The following FAM13C variants were observed in gnomAD, a reference collection of about 807,000 sequenced individuals.
The protein encoded by FAM13C is family with sequence similarity 13 member C.
FAM13C carries 37 observed loss-of-function variants against 73.2 expected under a neutral mutation model. That is an observed-to-expected ratio of 0.51 (90% CI 0.39 to 0.67). The LOEUF is 0.67. Among genes scored for constraint, FAM13C ranks in the 30% least tolerant of loss-of-function variants. FAM13C has a pLI of 0.00. For missense variants in FAM13C, 589 were observed against 715.6 expected, an observed-to-expected ratio of 0.82 and a Z score of 2.02; for synonymous variants, 246 against 260.9, an observed-to-expected ratio of 0.94 and a Z score of 0.55.
rs1017016509 is a variant in FAM13C at position 59,247,430 on chromosome 10, T to C, written c.*184A>G. The C allele has an allele frequency of 3.0e-6, 2 of 660,740 alleles. No homozygotes were observed. Among genetic ancestry groups the C allele is most frequent in the Non-Finnish European group, 5.0e-6 (2 of 398,714 alleles). 40.9% of individuals were successfully genotyped at this position (660,740 alleles called of 1,614,324 possible). On this transcript the variant is annotated 3_prime_UTR_variant, in exon 14 of 14. Transcript: ENST00000618804. ...ATTATATGGCTACCTGTTGTATTCT[T>C]CCCCCCGTTTAAATCCCTTCTCCTT...
In FAM13C at chr10:59,321,320, G is replaced by C. The variant is rs141522955; in HGVS notation, c.443+2668C>G. 2.8e-3 allele frequency among the ~76,000 whole-genome samples: 423 copies of C among 152,050 alleles called. 1 individual carries two copies. Among genetic ancestry groups the C allele is most frequent in the African/African-American group, 9.8e-3 (407 of 41,468 alleles). ...GCAATGTTGGTGGCTTGAAAATGGA[G>C]GAAGGGACCATAAGCCATGGAATGT... On this transcript the variant is annotated intron_variant, in intron 4 of 13. Coordinates refer to ENST00000618804, the MANE Select transcript of FAM13C (RefSeq NM_198215.4).
chr10:59,263,916 A>G, intron 9 of FAM13C, 169 bp downstream of exon 9: 1 of 639,424 alleles, frequency 1.6e-6, no homozygotes. Flanking sequence ...ATGGGGCCAA[A>G]CAATGACAGA....
intron 8 of FAM13C, among the ~76,000 whole-genome samples, chr10:59,267,181 C>A (rs1843160886): frequency 6.6e-6 from 1 of 152,182 alleles, no homozygotes; most frequent in South Asian, 2.1e-4. Flanking sequence ...CTGGTTGTTA[C>A]TCTGTATTTT....
At chr10:59,322,815 A>G (rs536410225) in intron 4 of FAM13C, among the ~76,000 whole-genome samples, 13 of 152,324 alleles carry the variant, frequency 8.5e-5, no homozygotes, top group African/African-American at 2.6e-4. Context: ...TAGCTTTCTT[A>G]CAATAATACC....
intron 5 of FAM13C, among the ~76,000 whole-genome samples, chr10:59,292,542 G>A (rs548042086): frequency 5.9e-5 from 9 of 152,178 alleles, no homozygotes; most frequent in African/African-American, 1.7e-4. Context: ...TAACTCCTTC[G>A]TTTTCTAAAA....
chr10:59,356,845 A>T (rs905986552), intron 1 of FAM13C, among the ~76,000 whole-genome samples: 1 of 152,318 alleles, frequency 6.6e-6, no homozygotes. Context: ...CTGAGTAGGC[A>T]CCATCTAATC....
At position 59,362,468 on chromosome 10, in the gene FAM13C, GTC is replaced by G; in HGVS notation, c.-10_-9del. ...ACAGAAACAAGAAAACATCAGCCAAGTCTGGCCGGGGAGCCGTCTCCCTGATT... is the reference window on the plus strand; with the variant it reads ...ACAGAAACAAGAAAACATCAGCCAAGTGGCCGGGGAGCCGTCTCCCTGATT... On this transcript the variant is annotated 5_prime_UTR_variant, in exon 1 of 14. Coordinates refer to ENST00000618804, the MANE Select transcript of FAM13C (RefSeq NM_198215.4). 1.2e-6 allele frequency: 2 copies of G among 1,612,694 alleles called. No individual in the cohort carries two copies. The highest frequency in any genetic ancestry group is 1.7e-6 in the Non-Finnish European group (2 of 1,179,368).
chr10:59,247,957 T>C (rs1367008498), intron 13 of FAM13C, among the ~76,000 whole-genome samples: 2 of 152,088 alleles, frequency 1.3e-5, no homozygotes, highest in Non-Finnish European at 2.9e-5. Context: ...GTCATAAGTG[T>C]TTTGCAAATA....
intron 4 of FAM13C, among the ~76,000 whole-genome samples, chr10:59,319,041 A>C (rs931939251): frequency 1.3e-5 from 2 of 151,352 alleles, no homozygotes; most frequent in Non-Finnish European, 2.9e-5. Context: ...GTCTATGAAA[A>C]ACATTTAAGT....
Position 59,277,649 on chromosome 10 carries a change from A to C in FAM13C, c.592+5714T>G, listed in dbSNP as rs538292949. Among the ~76,000 whole-genome samples, 4 of 152,316 alleles carry C rather than the reference A, an allele frequency of 2.6e-5. No homozygotes were observed. The South Asian group carries it at 8.3e-4, about 32-fold the overall frequency. On this transcript the variant is annotated intron_variant, in intron 6 of 13. Transcript: ENST00000618804. The stretch of plus-strand genomic sequence containing the variant: ...GCTGTAGCAAATAAATCAACCACAA[A>C]TCTAGATCTCTTCAGTCTGACAAGA...
At chr10:59,310,723 A>G (rs146407975) in intron 4 of FAM13C, among the ~76,000 whole-genome samples, 29 of 152,268 alleles carry the variant, frequency 1.9e-4, no homozygotes, top group Middle Eastern at 3.4e-3. Flanking sequence ...TCAGCTAGAA[A>G]CAGAACACTG....
rs1267415759 is a variant in FAM13C at position 59,246,734 on chromosome 10, A to G, written c.*880T>C. 1 of 397,036 alleles carries G rather than the reference A, an allele frequency of 2.5e-6. No individual in the cohort carries two copies. Among genetic ancestry groups the G allele is most frequent in the Non-Finnish European group, 4.4e-6 (1 of 225,038 alleles). 24.6% of individuals were successfully genotyped at this position (397,036 alleles called of 1,614,324 possible). On this transcript the variant is annotated 3_prime_UTR_variant, in exon 14 of 14. Transcript: ENST00000618804. ...CTCATGGGAAATGTTTTGACTTTAC[A>G]AAGTATAGATGTTGGAACATTAAGA...
At chr10:59,322,953 G>T (rs1731437990) in intron 4 of FAM13C, among the ~76,000 whole-genome samples, 1 of 152,168 alleles carries the variant, frequency 6.6e-6, no homozygotes, top group African/African-American at 2.4e-5. Flanking sequence ...TATAAAAGGT[G>T]CCCATGAATC....
chr10:59,346,605 A>G (rs1854321104), intron 3 of FAM13C, among the ~76,000 whole-genome samples: 3 of 152,160 alleles, frequency 2.0e-5, no homozygotes, highest in Admixed American at 1.3e-4. Context: ...AGGACAGTGC[A>G]TAGCATGATG....
At chr10:59,299,339 C>T (rs1009154454) in intron 5 of FAM13C, among the ~76,000 whole-genome samples, 6 of 149,232 alleles carry the variant, frequency 4.0e-5, no homozygotes, top group African/African-American at 1.5e-4. Context: ...GTTAGAAATG[C>T]GGAAGCAAGG....
chr10:59,348,881 G>A (rs1044732217), intron 3 of FAM13C, among the ~76,000 whole-genome samples: 13 of 152,110 alleles, frequency 8.5e-5, no homozygotes, highest in Admixed American at 2.6e-4. Flanking sequence ...TGATCCACCC[G>A]CCTCGGTCTT....
chr10:59,254,270 T>A, intron 11 of FAM13C, 78 bp downstream of exon 11: 1 of 965,302 alleles, frequency 1.0e-6, no homozygotes. Context: ...GGGTCTTTTA[T>A]AACTCTTGTA....
chr10:59,278,950 A>G (rs1395794087), intron 6 of FAM13C, among the ~76,000 whole-genome samples: 1 of 152,218 alleles, frequency 6.6e-6, no homozygotes, highest in African/African-American at 2.4e-5. Flanking sequence ...TTCAAAGACT[A>G]TCTGGGGTTG....
chr10:59,270,939 A>C (rs147852056), intron 6 of FAM13C, among the ~76,000 whole-genome samples: 1 of 152,186 alleles, frequency 6.6e-6, no homozygotes, highest in African/African-American at 2.4e-5. Context: ...ATCCCCTTTT[A>C]AGTTAGTTCC....
Sources: allele counts gnomAD v4.1 joint callset (sites outside exome capture counted in the v4.1 genomes callset), GRCh38; gene constraint gnomAD v4.1.1; transcripts MANE v1.5; gene names NCBI Gene and HGNC (gene_info 2026-07-23, HGNC 2026-07-21).